Variants in MAPK10 observed in about 807,000 individuals in gnomAD.
The protein encoded by MAPK10 is JNK3 alpha protein kinase.
A neutral mutation model predicts 59.3 loss-of-function variants in MAPK10; 25 were observed. That is an observed-to-expected ratio of 0.42 (90% CI 0.31 to 0.59). MAPK10 has a LOEUF of 0.59. MAPK10 is among the 20% of genes least tolerant of loss of function. The pLI is 0.15. For synonymous variants in MAPK10, 190 were observed against 200.5 expected, an observed-to-expected ratio of 0.95 and a Z score of 0.44; for missense variants, 351 against 568.9, an observed-to-expected ratio of 0.62 and a Z score of 3.90.
intron 1 of MAPK10, among the ~76,000 whole-genome samples, chr4:86,424,151 G>A (rs998912724): frequency 1.3e-5 from 2 of 151,872 alleles, no homozygotes; most frequent in Admixed American, 6.6e-5. Context: ...CCACACTCCA[G>A]TTCAGACCGA....
chr4:86,459,680 C>T (rs1751552630), intron 1 of MAPK10, among the ~76,000 whole-genome samples: 1 of 152,154 alleles, frequency 6.6e-6, no homozygotes, highest in Non-Finnish European at 1.5e-5. Context: ...AACCAAACAT[C>T]ATATGTTCTC....
chr4:86,592,366 A>C (rs550902152), intron 1 of MAPK10, among the ~76,000 whole-genome samples: 27 of 150,720 alleles, frequency 1.8e-4, no homozygotes, highest in African/African-American at 6.3e-4. Flanking sequence ...AAAAAAAAAA[A>C]CACGAAGAAG....
intron 9 of MAPK10, among the ~76,000 whole-genome samples, chr4:86,085,590 G>C (rs999814882): frequency 1.3e-5 from 2 of 152,068 alleles, no homozygotes; most frequent in South Asian, 4.1e-4. Context: ...CCAAAAACAG[G>C]CAACAACAAA....
At chr4:86,421,007 G>A (rs1007679545) in intron 1 of MAPK10, among the ~76,000 whole-genome samples, 3 of 151,904 alleles carry the variant, frequency 2.0e-5, no homozygotes, top group Admixed American at 6.6e-5. Context: ...GCTTGAACCC[G>A]GGAGGCAGAG....
chr4:86,436,411 A>C (rs1024901000), intron 1 of MAPK10, among the ~76,000 whole-genome samples: 1 of 152,246 alleles, frequency 6.6e-6, no homozygotes, highest in African/African-American at 2.4e-5. Context: ...TGTAGCTAAC[A>C]ACCCAGTGAG....
chr4:86,049,485 A>C (rs932759773), intron 11 of MAPK10, among the ~76,000 whole-genome samples: 16 of 152,152 alleles, frequency 1.1e-4, no homozygotes, highest in African/African-American at 3.9e-4. Flanking sequence ...AAAGAAAATA[A>C]GTCTAACTGA....
upstream of MAPK10, among the ~76,000 whole-genome samples, chr4:86,364,534 A>G (rs76691408): frequency 0.015 from 2,287 of 152,136 alleles, 66 homozygotes; most frequent in African/African-American, 0.052. Context: ...TGGATCTTAC[A>G]TACTCATTTC....
rs1754899065 is a variant in MAPK10, at chr4:86,496,750, T to A, written c.-263+97160A>T. ...AATCCAACAAATTTCTATTTTCCGA[T>A]GACAATTAATTTTTTCTGGTGAGTT... On this transcript the variant is annotated intron_variant, in intron 1 of 4. Transcript: ENST00000502302. 3.9e-5 allele frequency among the ~76,000 whole-genome samples: 6 copies of A among 152,188 alleles called. No homozygotes were observed. The South Asian group carries it at 1.2e-3, about 32-fold the overall frequency.
At chr4:86,487,496 G>A (rs947953572) in intron 1 of MAPK10, among the ~76,000 whole-genome samples, 4 of 152,080 alleles carry the variant, frequency 2.6e-5, no homozygotes, top group East Asian at 1.9e-4. Flanking sequence ...TTGGGAGGCC[G>A]AGGTGAGTGG....
chr4:86,121,681 T>C (rs2059278816), intron 4 of MAPK10, among the ~76,000 whole-genome samples: 1 of 152,158 alleles, frequency 6.6e-6, no homozygotes, highest in Non-Finnish European at 1.5e-5. Context: ...TAATTCAAGC[T>C]AATTAACATA....
At chr4:86,069,644 T>C (rs1483092901) in intron 9 of MAPK10, among the ~76,000 whole-genome samples, 3 of 152,088 alleles carry the variant, frequency 2.0e-5, no homozygotes, top group Non-Finnish European at 4.4e-5. Context: ...GTGCTTGTCA[T>C]TATAAATTAT....
chr4:86,373,832 T>C (rs1195863167), intron 1 of MAPK10, among the ~76,000 whole-genome samples: 1 of 152,190 alleles, frequency 6.6e-6, no homozygotes, highest in East Asian at 1.9e-4. Flanking sequence ...GCAACCATTG[T>C]GGAAGACAGT....
At chr4:86,229,687 ACTCT>A (rs752769190) in intron 2 of MAPK10, among the ~76,000 whole-genome samples, 7 of 151,156 alleles carry the variant, frequency 4.6e-5, no homozygotes, top group Non-Finnish European at 7.4e-5. Context: ...CTTATTTTTT[ACTCT>A]CTAACTACTT....
intron 2 of MAPK10, among the ~76,000 whole-genome samples, chr4:86,239,698 TC>T (rs1465516202): frequency 6.6e-6 from 1 of 151,902 alleles, no homozygotes; most frequent in Non-Finnish European, 1.5e-5. Context: ...GGCGATATCC[TC>T]TTTATCATTT....
intron 11 of MAPK10, among the ~76,000 whole-genome samples, chr4:86,034,039 A>G (rs886307979): frequency 3.9e-5 from 6 of 152,196 alleles, no homozygotes; most frequent in Non-Finnish European, 7.3e-5. Context: ...TCTTTTGCTA[A>G]GTGACAATCT....
At chr4:86,481,565 ATTAT>A (rs1753619064) in intron 1 of MAPK10, among the ~76,000 whole-genome samples, 1 of 152,066 alleles carries the variant, frequency 6.6e-6, no homozygotes, top group Non-Finnish European at 1.5e-5. Flanking sequence ...GTTCTCATCC[ATTAT>A]TTGAGTGTTG....
chr4:86,540,891 C>A (rs1457567829), intron 1 of MAPK10, among the ~76,000 whole-genome samples: 1 of 151,620 alleles, frequency 6.6e-6, no homozygotes, highest in Non-Finnish European at 1.5e-5. Flanking sequence ...TCACTTGAGC[C>A]CAGAAGTTTG....
At chr4:86,245,160 C>T (rs2092997644) in intron 2 of MAPK10, among the ~76,000 whole-genome samples, 3 of 152,134 alleles carry the variant, frequency 2.0e-5, no homozygotes. Context: ...GGTAGCCTGT[C>T]TCTTTTAGTC....
At chr4:86,513,300 G>A (rs552421264) in intron 1 of MAPK10, among the ~76,000 whole-genome samples, 1 of 152,052 alleles carries the variant, frequency 6.6e-6, no homozygotes, top group East Asian at 1.9e-4. Context: ...CTCCTGCCTT[G>A]GGATCCCAAA....
Sources: allele counts gnomAD v4.1 joint callset (sites outside exome capture counted in the v4.1 genomes callset), GRCh38; gene constraint gnomAD v4.1.1; transcripts MANE v1.5; gene names NCBI Gene and HGNC (gene_info 2026-07-23, HGNC 2026-07-21).